Variants in CSNK1G1 observed in about 807,000 individuals in gnomAD.
The protein encoded by CSNK1G1 is casein kinase 1 gamma 1, also known as casein kinase I isoform gamma-1.
In CSNK1G1, 22 loss-of-function variants were observed where a neutral mutation model predicts 59.6. That is an observed-to-expected ratio of 0.37 (90% CI 0.26 to 0.53). The LOEUF (loss-of-function observed/expected upper bound fraction) is 0.53, where lower values mean the gene tolerates loss of function less well. CSNK1G1 is among the 20% of genes least tolerant of loss of function. The pLI is 0.89. For synonymous variants in CSNK1G1, 179 were observed against 177.1 expected (o/e 1.01, Z -0.08); for missense variants, 384 against 519.5 (o/e 0.74, Z 2.54).
At chr15:64,229,018 C>CAAAAAAAAAAAAAA (rs1218085247) in intron 4 of CSNK1G1, among the ~76,000 whole-genome samples, 1 of 65,924 alleles carries the variant, frequency 1.5e-5, no homozygotes, top group Admixed American at 1.6e-4. Flanking sequence ...GACTCTGTCT[C>CAAAAAAAAAAAAAA]AAAAAAAAAA....
chr15:64,295,947 A>G (rs990580798), intron 2 of CSNK1G1, among the ~76,000 whole-genome samples: 5 of 152,216 alleles, frequency 3.3e-5, no homozygotes, highest in African/African-American at 1.2e-4. Context: ...CCAGTCATGT[A>G]TAACTAAATG....
intron 1 of CSNK1G1, among the ~76,000 whole-genome samples, chr15:64,332,245 T>C (rs1371480569): frequency 8.7e-5 from 8 of 92,060 alleles, no homozygotes; most frequent in Non-Finnish European, 1.4e-4. Context: ...TGCGGCATTA[T>C]TCACAATGGC....
chr15:64,251,345 C>T (rs751840216), intron 4 of CSNK1G1, 167 bp downstream of exon 4: 2 of 539,532 alleles, frequency 3.7e-6, no homozygotes, highest in African/African-American at 3.8e-5. Context: ...ACTCCAGGAA[C>T]CAGAGCGCAA....
intron 4 of CSNK1G1, among the ~76,000 whole-genome samples, chr15:64,238,518 A>AAATATATATAT (rs1555396879): frequency 4.1e-5 from 2 of 49,246 alleles, no homozygotes; most frequent in African/African-American, 1.2e-4. Flanking sequence ...AAAAAAAAAA[A>AAATATATATAT]ATATATATAT....
intron 11 of CSNK1G1, among the ~76,000 whole-genome samples, chr15:64,175,737 G>A (rs558555168): frequency 1.3e-4 from 20 of 152,214 alleles, no homozygotes; most frequent in African/African-American, 4.6e-4. Context: ...CTCCCTGAAG[G>A]AGCTCCCCCT....
chr15:64,277,761 CAATATTGATA>C (rs1893782875), intron 2 of CSNK1G1, among the ~76,000 whole-genome samples: 1 of 65,964 alleles, frequency 1.5e-5, no homozygotes, highest in Non-Finnish European at 3.0e-5. Flanking sequence ...AATAATATAG[CAATATTGATA>C]TATTTAATAA....
At chr15:64,226,702 G>A (rs995145276) in intron 4 of CSNK1G1, among the ~76,000 whole-genome samples, 1 of 151,960 alleles carries the variant, frequency 6.6e-6, no homozygotes, top group African/African-American at 2.4e-5. Context: ...ACCTTCCTTA[G>A]TACTGTAGTT....
intron 1 of CSNK1G1, among the ~76,000 whole-genome samples, chr15:64,327,221 C>T (rs1424873399): frequency 2.0e-5 from 3 of 152,278 alleles, no homozygotes; most frequent in South Asian, 4.1e-4. Flanking sequence ...TCTGGGGGCA[C>T]GGCACAGACA....
chr15:64,311,648 A>G (rs145513817), intron 1 of CSNK1G1, among the ~76,000 whole-genome samples: 1,709 of 139,438 alleles, frequency 0.012, 26 homozygotes, highest in African/African-American at 0.044. Context: ...TGGACAACAT[A>G]GTGAGAGCCA....
chr15:64,277,649 T>C (rs1465512975), intron 2 of CSNK1G1, among the ~76,000 whole-genome samples: 1 of 129,486 alleles, frequency 7.7e-6, no homozygotes, highest in Non-Finnish European at 1.6e-5. Context: ...ATATATTTAA[T>C]AATATAGCAA....
chr15:64,301,835 C>T (rs774314071), intron 1 of CSNK1G1, among the ~76,000 whole-genome samples: 9 of 151,766 alleles, frequency 5.9e-5, no homozygotes, highest in Non-Finnish European at 1.0e-4. Flanking sequence ...GGCAGTGAGC[C>T]GAGCTCGTGC....
At chr15:64,315,481 C>T (rs532453933) in intron 1 of CSNK1G1, among the ~76,000 whole-genome samples, 19 of 152,176 alleles carry the variant, frequency 1.2e-4, no homozygotes, top group East Asian at 3.8e-4. Flanking sequence ...ATTTTCTAAA[C>T]GATTGACTCT....
chr15:64,231,785 T>A (rs763857126), intron 4 of CSNK1G1, among the ~76,000 whole-genome samples: 73 of 152,186 alleles, frequency 4.8e-4, no homozygotes, highest in Non-Finnish European at 9.0e-4. Flanking sequence ...ATATGCATTT[T>A]AAAAATATAT....
chr15:64,179,512 G>A (rs934093686), intron 11 of CSNK1G1, among the ~76,000 whole-genome samples: 2 of 152,228 alleles, frequency 1.3e-5, no homozygotes, highest in Non-Finnish European at 2.9e-5. Flanking sequence ...GGGCTCACAA[G>A]AAAGGTCCTC....
At chr15:64,319,014 C>T (rs973163539) in intron 1 of CSNK1G1, among the ~76,000 whole-genome samples, 8 of 151,702 alleles carry the variant, frequency 5.3e-5, no homozygotes, top group African/African-American at 1.9e-4. Flanking sequence ...CTACACCTGG[C>T]TAAATTTTGT....
intron 2 of CSNK1G1, among the ~76,000 whole-genome samples, chr15:64,270,756 T>C (rs1893252652): frequency 7.2e-6 from 1 of 138,474 alleles, no homozygotes; most frequent in Non-Finnish European, 1.5e-5. Flanking sequence ...TGAGACTCCG[T>C]CTCAAAAAAA....
intron 4 of CSNK1G1, among the ~76,000 whole-genome samples, chr15:64,225,006 CTTTTTTT>C (rs750533422): frequency 4.9e-5 from 6 of 121,852 alleles, no homozygotes; most frequent in African/African-American, 9.5e-5. Flanking sequence ...ATACACTTTT[CTTTTTTT>C]TTTTTTTTTT....
chr15:64,259,092 C>A lies in CSNK1G1; in HGVS notation c.222+109G>T, dbSNP rs1039925488. 7.3e-5 allele frequency: 64 copies of A among 877,730 alleles called. No individual in the cohort carries two copies. In the African/African-American group the frequency reaches 9.3e-4, roughly 13 times the overall value. The allele number at this position is 877,730 out of a possible 1,614,324, so 54.4% of individuals were successfully genotyped here. A position where few individuals can be genotyped will look rare whatever the true frequency, so the allele number is the denominator to read the frequency against. On this transcript the variant is annotated intron_variant, in intron 3 of 11. Transcript: ENST00000303052. ...ATGTGGGATCATACACAAAAAAAAC[C>A]CCAAACCATTAGCAGTTTTGCGAAT... is the stretch of plus-strand genomic sequence containing the variant.
intron 10 of CSNK1G1, among the ~76,000 whole-genome samples, chr15:64,187,210 G>A (rs2081909553): frequency 6.6e-6 from 1 of 151,434 alleles, no homozygotes; most frequent in South Asian, 2.1e-4. Context: ...TTTTGGGGGG[G>A]ATGGAGCCTC....
Sources: allele counts gnomAD v4.1 joint callset (sites outside exome capture counted in the v4.1 genomes callset), GRCh38; gene constraint gnomAD v4.1.1; transcripts MANE v1.5; gene names NCBI Gene and HGNC (gene_info 2026-07-23, HGNC 2026-07-21).